TVP23C: variants seen among roughly 807,000 people sequenced by gnomAD.
TVP23C encodes the protein trans-golgi network vesicle protein 23 homolog C, also known as Golgi apparatus membrane protein TVP23 homolog C.
A neutral mutation model predicts 28.7 loss-of-function variants in TVP23C; 19 were observed. That is an observed-to-expected ratio of 0.66 (90% CI 0.46 to 0.97). The LOEUF (loss-of-function observed/expected upper bound fraction) is 0.97, where lower values mean the gene tolerates loss of function less well. Among genes scored for constraint, TVP23C ranks in the 50% least tolerant of loss-of-function variants. TVP23C has a pLI of 0.00. For missense variants in TVP23C, 186 were observed against 241.3 expected (o/e 0.77, Z 1.52); for synonymous variants, 68 against 81.7 (o/e 0.83, Z 0.90).
chr17:15,534,577 CTA>C (rs1983076359), downstream of TVP23C, among the ~76,000 whole-genome samples: 1 of 125,494 alleles, frequency 8.0e-6, no homozygotes, highest in African/African-American at 3.7e-5. Flanking sequence ...GCCATCACTT[CTA>C]CACACACACA....
At chr17:15,524,063 G>GGTGT (rs10578424) in intron 5 of TVP23C, among the ~76,000 whole-genome samples, 7,142 of 136,244 alleles carry the variant, frequency 0.052, 214 homozygotes, top group Non-Finnish European at 0.066. Flanking sequence ...AGCAGAGTGG[G>GGTGT]GTGTGTGTGT....
intron 1 of TVP23C, among the ~76,000 whole-genome samples, chr17:15,558,233 A>C (rs994787886): frequency 1.4e-5 from 2 of 144,256 alleles, no homozygotes; most frequent in Non-Finnish European, 3.1e-5. Flanking sequence ...GGCCAGGGAG[A>C]CTTTTTCACA....
rs549026094 is a variant in TVP23C at position 15,537,904 on chromosome 17, C to A, written c.*2508G>T. On this transcript the variant is annotated 3_prime_UTR_variant, in exon 6 of 6. Coordinates refer to ENST00000518321, the MANE Select transcript of TVP23C (RefSeq NM_001135036.2). ...TGCATACCTACACCACAGAACAAATCTTAACAATGTTTCTAGTGCCAACAT... is the reference window on the plus strand; with the variant it reads ...TGCATACCTACACCACAGAACAAATATTAACAATGTTTCTAGTGCCAACAT... 3.5e-6 allele frequency: 5 copies of A among 1,429,404 alleles called. No individual in the cohort carries two copies. The African/African-American group carries it at 7.2e-5, about 21-fold the overall frequency. 88.5% of individuals were successfully genotyped at this position (1,429,404 alleles called of 1,614,324 possible).
At chr17:15,560,801 G>T (rs1265228792) in intron 1 of TVP23C, among the ~76,000 whole-genome samples, 2 of 148,886 alleles carry the variant, frequency 1.3e-5, no homozygotes, top group African/African-American at 4.9e-5. Context: ...TGATCCACCC[G>T]CCTCGGCCTC....
chr17:15,561,399 G>C (rs904392613), intron 1 of TVP23C, among the ~76,000 whole-genome samples: 5 of 152,126 alleles, frequency 3.3e-5, no homozygotes, highest in African/African-American at 1.2e-4. Flanking sequence ...AGGAGCTCAA[G>C]ACCAGCCTGG....
chr17:15,508,241 G>A (rs1981851030), intron 5 of TVP23C, among the ~76,000 whole-genome samples: 1 of 152,122 alleles, frequency 6.6e-6, no homozygotes, highest in Non-Finnish European at 1.5e-5. Flanking sequence ...CCTGACCCTG[G>A]TGTACTCTGA....
exon 6 of TVP23C, chr17:15,502,802 T>TCC: frequency 6.9e-7 from 1 of 1,450,456 alleles, no homozygotes; most frequent in Non-Finnish European, 9.1e-7. Context: ...TCCTCTCTCC[T>TCC]CTCTCTCCTC....
At chr17:15,558,935 G>A (rs1984255556) in intron 1 of TVP23C, among the ~76,000 whole-genome samples, 2 of 147,384 alleles carry the variant, frequency 1.4e-5, no homozygotes, top group South Asian at 4.5e-4. Flanking sequence ...ACAATCAGGG[G>A]TCACTACTGC....
intron 2 of TVP23C, among the ~76,000 whole-genome samples, chr17:15,554,684 C>G (rs993433166): frequency 6.6e-6 from 1 of 152,176 alleles, no homozygotes; most frequent in African/African-American, 2.4e-5. Flanking sequence ...TTACCCCAGA[C>G]AGAATCTTTG....
At chr17:15,532,105 C>CT (rs1982972450), downstream of TVP23C, among the ~76,000 whole-genome samples, 1 of 152,172 alleles carries the variant, frequency 6.6e-6, no homozygotes, top group East Asian at 1.9e-4. Context: ...CTTTACCTGA[C>CT]TTTCTAGCTC....
intron 5 of TVP23C, among the ~76,000 whole-genome samples, chr17:15,527,198 GTTCT>G (rs756437664): frequency 2.6e-4 from 39 of 152,250 alleles, no homozygotes; most frequent in Middle Eastern, 3.4e-3. Context: ...TCCACTTTGT[GTTCT>G]TTGTTTCTGC....
At chr17:15,524,403 T>C (rs2150837979) in intron 5 of TVP23C, among the ~76,000 whole-genome samples, 1 of 152,268 alleles carries the variant, frequency 6.6e-6, no homozygotes, top group African/African-American at 2.4e-5. Flanking sequence ...AGATGAATGC[T>C]TGGTTGTTTC....
At chr17:15,556,378 T>C (rs1394623385) in intron 1 of TVP23C, among the ~76,000 whole-genome samples, 2 of 150,724 alleles carry the variant, frequency 1.3e-5, no homozygotes, top group East Asian at 3.9e-4. Context: ...TTTTTTTTTT[T>C]TGAGATGGAG....
intron 5 of TVP23C, among the ~76,000 whole-genome samples, chr17:15,511,532 A>G (rs951028634): frequency 2.0e-5 from 3 of 152,212 alleles, no homozygotes; most frequent in African/African-American, 7.2e-5. Flanking sequence ...AAGTACTAGT[A>G]GAGTTTCTGG....
intron 5 of TVP23C, among the ~76,000 whole-genome samples, chr17:15,522,101 GGAAA>G (rs1208353886): frequency 6.6e-6 from 1 of 152,146 alleles, no homozygotes; most frequent in East Asian, 1.9e-4. Context: ...CAGGCAGGAA[GGAAA>G]GAAAGAATTG....
chr17:15,514,051 G>A (rs1307485887), intron 5 of TVP23C, among the ~76,000 whole-genome samples: 1 of 152,216 alleles, frequency 6.6e-6, no homozygotes, highest in East Asian at 1.9e-4. Context: ...GCTTCCAAGA[G>A]AACGTTCTTA....
downstream of TVP23C, among the ~76,000 whole-genome samples, chr17:15,533,046 G>A (rs189990374): frequency 1.4e-4 from 21 of 152,300 alleles, no homozygotes; most frequent in Admixed American, 6.5e-5. Context: ...GGGACAGACT[G>A]TTCATCAATG....
At chr17:15,519,396 C>T (rs1435749910) in intron 5 of TVP23C, among the ~76,000 whole-genome samples, 1 of 151,908 alleles carries the variant, frequency 6.6e-6, no homozygotes, top group East Asian at 1.9e-4. Context: ...CATTTGAGCC[C>T]AGGAGTTCGA....
At chr17:15,503,279 C>A in intron 5 of TVP23C, 1 of 1,444,610 alleles carries the variant, frequency 6.9e-7, no homozygotes, top group Non-Finnish European at 9.1e-7. Context: ...TAGTGGCGCG[C>A]CTGTGGTTCC....
Sources: gnomAD v4.1 joint callset for allele counts (sites outside exome capture counted in the v4.1 genomes callset) on GRCh38, gnomAD v4.1.1 for gene constraint, MANE v1.5 for transcripts, NCBI Gene and HGNC (gene_info 2026-07-23, HGNC 2026-07-21) for gene names.